The following NUP98 variants were observed in gnomAD, a reference collection of about 807,000 sequenced individuals.
NUP98 encodes the protein nuclear pore complex protein Nup98-Nup96.
A neutral mutation model predicts 191.9 loss-of-function variants in NUP98; 26 were observed. The observed-to-expected ratio is 0.14, with a 90% confidence interval of 0.10 to 0.19. The LOEUF (loss-of-function observed/expected upper bound fraction) is 0.19. NUP98 is among the 10% of genes least tolerant of loss of function. The pLI, the probability that NUP98 is intolerant of heterozygous loss-of-function variation, is 1.00. For missense variants in NUP98, 1,941 were observed against 2,178.8 expected (o/e 0.89, Z 2.17); for synonymous variants, 808 against 778.4 (o/e 1.04, Z -0.63).
chr11:3,728,685 G>C (rs888820072), intron 14 of NUP98, among the ~76,000 whole-genome samples: 1 of 152,138 alleles, frequency 6.6e-6, no homozygotes, highest in African/African-American at 2.4e-5. Flanking sequence ...CTTGCAGTGA[G>C]CCGAGATGGG....
At chr11:3,739,446 A>AC (rs1344526782) in intron 12 of NUP98, among the ~76,000 whole-genome samples, 2 of 152,022 alleles carry the variant, frequency 1.3e-5, no homozygotes, top group Non-Finnish European at 2.9e-5. Flanking sequence ...ACGGGGTTTC[A>AC]CCATGTTGGC....
chr11:3,717,159 G>A lies in NUP98; in HGVS notation c.2399+2253C>T, dbSNP rs376319893. Among the ~76,000 whole-genome samples, 12 of 152,024 alleles carry A rather than the reference G, an allele frequency of 7.9e-5. No homozygotes were observed. The South Asian group carries it at 1.9e-3, about 24-fold the overall frequency. On this transcript the variant is annotated intron_variant, in intron 18 of 32. Coordinates refer to ENST00000324932, the MANE Select transcript of NUP98 (RefSeq NM_016320.5). ...ACAGGTATGCGCCACCACGTCTGGC[G>A]AATTTTTGTATTTTTAGTAGAGGTG...
At chr11:3,738,198 G>A (rs2134329748) in intron 12 of NUP98, among the ~76,000 whole-genome samples, 1 of 151,586 alleles carries the variant, frequency 6.6e-6, no homozygotes, top group African/African-American at 2.4e-5. Context: ...TGTGTTAACT[G>A]TAGTATTTAA....
chr11:3,725,320 C>G, intron 14 of NUP98, 101 bp from the exon 15 acceptor site: 1 of 637,284 alleles, frequency 1.6e-6, no homozygotes, highest in Admixed American at 2.4e-5. Flanking sequence ...TGCACTTCTG[C>G]TCAACTCTTG....
At chr11:3,730,204 C>T (rs1393920444) in intron 14 of NUP98, among the ~76,000 whole-genome samples, 1 of 152,058 alleles carries the variant, frequency 6.6e-6, no homozygotes, top group Non-Finnish European at 1.5e-5. Context: ...CACTGCACTC[C>T]AGCCTGGGTA....
At chr11:3,715,922 T>C (rs2079165069) in intron 18 of NUP98, among the ~76,000 whole-genome samples, 2 of 152,254 alleles carry the variant, frequency 1.3e-5, no homozygotes, top group African/African-American at 2.4e-5. Flanking sequence ...GCTCATTTTT[T>C]AAATGGGTTA....
intron 14 of NUP98, among the ~76,000 whole-genome samples, chr11:3,728,447 A>G (rs2079704364): frequency 6.6e-6 from 1 of 152,236 alleles, no homozygotes. Context: ...TAAAAACAGA[A>G]GAGTGGGGCT....
chr11:3,735,321 A>G lies in NUP98; in HGVS notation c.1412T>C (p.Leu471Ser). ...GGCAGCAGAAGCATTTGGATCTGTC[A>G]AAGCTTTTAAAAAAAAAAAAAGAAA... ...GFGAPQAPVALTDPNASAAQQ... is the reference protein window; with the variant it reads ...GFGAPQAPVASTDPNASAAQQ... The change falls in exon 13 of 33, where the codon TTG becomes TCG. Residue 471 changes from leucine to serine, a missense_variant. Transcript: ENST00000324932. 2.7e-6 allele frequency: 4 copies of G among 1,470,374 alleles called. No individual in the cohort carries two copies. The highest frequency in any genetic ancestry group is 3.6e-6 in the Non-Finnish European group (4 of 1,115,348). The allele number at this position is 1,470,374 out of a possible 1,614,324, so 91.1% of individuals were successfully genotyped here.
intron 21 of NUP98, among the ~76,000 whole-genome samples, chr11:3,706,244 T>C (rs2078855281): frequency 6.6e-6 from 1 of 152,182 alleles, no homozygotes; most frequent in African/African-American, 2.4e-5. Flanking sequence ...CCAGAAACCC[T>C]ATCTACTAGT....
chr11:3,786,800 G>A (rs1463840569), intron 1 of NUP98, among the ~76,000 whole-genome samples: 3 of 152,172 alleles, frequency 2.0e-5, no homozygotes, highest in African/African-American at 7.2e-5. Flanking sequence ...TGGTCAAAAC[G>A]TTTACAACTC....
chr11:3,718,189 C>G (rs573738502), intron 18 of NUP98, among the ~76,000 whole-genome samples: 2 of 152,258 alleles, frequency 1.3e-5, no homozygotes, highest in South Asian at 4.1e-4. Context: ...ATGAGGCCAT[C>G]TGATTCTAGG....
chr11:3,720,650 C>T, intron 17 of NUP98, 62 bp downstream of exon 17: 1 of 865,850 alleles, frequency 1.2e-6, no homozygotes, highest in Non-Finnish European at 1.9e-6. Context: ...AAAGCTTCCC[C>T]TAATTACAAA....
intron 1 of NUP98, among the ~76,000 whole-genome samples, chr11:3,787,304 G>C (rs905145263): frequency 2.6e-5 from 4 of 152,168 alleles, no homozygotes; most frequent in Non-Finnish European, 5.9e-5. Context: ...TCTAAGGCCG[G>C]GCACGGTGGC....
intron 11 of NUP98, among the ~76,000 whole-genome samples, chr11:3,751,929 G>A (rs2080773687): frequency 6.6e-6 from 1 of 151,948 alleles, no homozygotes; most frequent in South Asian, 2.1e-4. Context: ...TGTAATCCCA[G>A]CACTTAGGGA....
chr11:3,719,268 A>C, intron 18 of NUP98, 144 bp downstream of exon 18: 1 of 548,182 alleles, frequency 1.8e-6, no homozygotes, highest in Non-Finnish European at 3.2e-6. Flanking sequence ...TGCCATTTAT[A>C]CTTTTAAATC....
At chr11:3,694,006 G>A (rs1214506907) in intron 26 of NUP98, among the ~76,000 whole-genome samples, 2 of 151,566 alleles carry the variant, frequency 1.3e-5, no homozygotes, top group Non-Finnish European at 2.9e-5. Context: ...CGAGGTGGTC[G>A]GATTACCTGA....
intron 12 of NUP98, among the ~76,000 whole-genome samples, chr11:3,739,896 A>G (rs1024189970): frequency 1.8e-4 from 27 of 152,330 alleles, no homozygotes; most frequent in African/African-American, 6.0e-4. Flanking sequence ...TGAGAGAGCA[A>G]GACCAACACC....
At chr11:3,730,950 T>TG (rs1249097536) in intron 14 of NUP98, among the ~76,000 whole-genome samples, 1 of 152,242 alleles carries the variant, frequency 6.6e-6, no homozygotes, top group Non-Finnish European at 1.5e-5. Context: ...TTCTTTGTGA[T>TG]GTTCTGTATT....
intron 13 of NUP98, among the ~76,000 whole-genome samples, chr11:3,734,172 A>C (rs2134299098): frequency 6.6e-6 from 1 of 152,092 alleles, no homozygotes; most frequent in South Asian, 2.1e-4. Flanking sequence ...AGTAGCTGTG[A>C]TTACAGGTGC....
Sources: gnomAD v4.1 joint callset for allele counts (sites outside exome capture counted in the v4.1 genomes callset) on GRCh38, gnomAD v4.1.1 for gene constraint, MANE v1.5 for transcripts, NCBI Gene and HGNC (gene_info 2026-07-23, HGNC 2026-07-21) for gene names.